WRAP73: variants seen among roughly 807,000 people sequenced by gnomAD.
WRAP73 encodes the protein WD repeat-containing protein WRAP73.
WRAP73 carries 55 observed loss-of-function variants against 59.6 expected under a neutral mutation model. That is an observed-to-expected ratio of 0.92 (90% CI 0.74 to 1.15). The LOEUF (loss-of-function observed/expected upper bound fraction) is 1.15, where lower values mean the gene tolerates loss of function less well. Ranked by LOEUF, WRAP73 falls within the 50% of genes most tolerant of loss-of-function variation. WRAP73 has a pLI of 0.00. For missense variants in WRAP73, 592 were observed against 608.1 expected (o/e 0.97, Z 0.28); for synonymous variants, 265 against 258.2 (o/e 1.03, Z -0.25).
In WRAP73 at chr1:3,649,363, G is replaced by GA. The variant is rs1279249750; in HGVS notation, c.69+567dup. 7.9e-5 allele frequency among the ~76,000 whole-genome samples: 12 copies of GA among 152,334 alleles called. No homozygotes were observed. The East Asian group carries it at 2.1e-3, about 27-fold the overall frequency. On this transcript the variant is annotated intron_variant, in intron 1 of 11. Coordinates refer to ENST00000270708, the MANE Select transcript of WRAP73 (RefSeq NM_017818.4). ...ATTCGGCATGTGGTAGAGGAGAAGA[G>GA]AATTAGAGGAGAAGTAGAGATGACA...
rs1557456260 is a variant in WRAP73, at chr1:3,635,256, C to A, written c.642G>T (p.Leu214Phe). Residue 214 changes from leucine to phenylalanine, a missense_variant, in exon 7 of 12, where the codon TTG (leucine) becomes TTT (phenylalanine). Physicochemically the swap from Leu to Phe is conservative, Grantham distance 22. Transcript: ENST00000270708. The part of the protein sequence containing the change: ...ILLYSLDGRL[L>F]STYSAYEWSL... ...ACCACTCGTAAGCGCTGTACGTGGA[C>A]AACAACCGGCCATCCAATGAGTACA... is the stretch of plus-strand genomic sequence containing the variant. 6.2e-7 allele frequency: 1 copy of A among 1,613,978 alleles called. No homozygotes were observed. The highest frequency in any genetic ancestry group is 8.5e-7 in the Non-Finnish European group (1 of 1,180,044).
intron 3 of WRAP73, among the ~76,000 whole-genome samples, chr1:3,640,125 C>T (rs1169700472): frequency 6.6e-6 from 1 of 152,230 alleles, no homozygotes; most frequent in African/African-American, 2.4e-5. Flanking sequence ...AGTGGATCAA[C>T]GAGCTCCAGG....
At position 3,630,868 on chromosome 1, in the gene WRAP73, C is replaced by T; in HGVS notation, c.*107G>A. 7.1e-7 allele frequency: 1 copy of T among 1,405,214 alleles called. No individual in the cohort carries two copies. The highest frequency in any genetic ancestry group is 9.6e-7 in the Non-Finnish European group (1 of 1,041,806). 87.0% of individuals were successfully genotyped at this position (1,405,214 alleles called of 1,614,324 possible). On this transcript the variant is annotated 3_prime_UTR_variant, in exon 12 of 12. Coordinates refer to ENST00000270708, the MANE Select transcript of WRAP73 (RefSeq NM_017818.4). ...TTTGCTATAGAAAAATAGAATCAAT[C>T]ACTGAATCCAGACCACCACAGTGGA...
Position 3,646,627 on chromosome 1 carries a change from A to T in WRAP73, c.339+39T>A. 1 of 1,544,758 alleles carries T rather than the reference A, an allele frequency of 6.5e-7. No homozygotes were observed. Among genetic ancestry groups the T allele is most frequent in the Non-Finnish European group, 8.9e-7 (1 of 1,128,096 alleles). On this transcript the variant is annotated intron_variant, in intron 3 of 11. Transcript: ENST00000270708. This position sits in a 1 kb window ranked among gnomAD's most constrained non-coding sequence, Gnocchi z 5.1. ...AGCTGTTTCGAGAGCAGAGGACAGG[A>T]TCACATGGCCAGTAAGGTGTCTTGG...
In WRAP73 at chr1:3,646,884, G is replaced by A. The variant is rs1318403895; in HGVS notation, c.223-102C>T. ...CGCAGCGGAGACCCGACCGCACAGG[G>A]TGTCTTCAAACTCATCAGCAGTCTA... On this transcript the variant is annotated intron_variant, in intron 2 of 11. Transcript: ENST00000270708. The surrounding 1 kb of genome is among the most constrained non-coding windows in gnomAD (Gnocchi z 5.1). 1 of 971,388 alleles carries A rather than the reference G, an allele frequency of 1.0e-6. No homozygotes were observed. Among genetic ancestry groups the A allele is most frequent in the East Asian group, 2.4e-5 (1 of 41,004 alleles). The allele number at this position is 971,388 out of a possible 1,614,324, so 60.2% of individuals were successfully genotyped here.
Position 3,647,450 on chromosome 1 carries a change from C to G in WRAP73, c.180G>C (p.Ser60=). The change falls in exon 2 of 12, where the codon TCG becomes TCC. Residue 60 remains serine (S), a synonymous_variant. Transcript: ENST00000270708. ...TGTACATGGCGCACAGGATGAAGAG[C>G]GAGTCTGCCGACCACTCGATGTGCT... ...QIQHIEWSAD[S]LFILCAMYKR... 1 of 1,613,852 alleles carries G rather than the reference C, an allele frequency of 6.2e-7. No homozygotes were observed. Among genetic ancestry groups the G allele is most frequent in the Non-Finnish European group, 8.5e-7 (1 of 1,179,890 alleles).
intron 3 of WRAP73, among the ~76,000 whole-genome samples, chr1:3,645,429 G>C (rs1238104953): frequency 9.5e-6 from 1 of 105,180 alleles, no homozygotes; most frequent in Admixed American, 9.8e-5. Context: ...CGGCGCAGCG[G>C]GACGGGCGGG....
At chr1:3,633,262 G>A (rs1393838642) in intron 9 of WRAP73, 136 bp downstream of exon 9, 2 of 808,812 alleles carry the variant, frequency 2.5e-6, no homozygotes, top group Non-Finnish European at 4.2e-6. Context: ...AACAGGCTGA[G>A]GGGCACACTG....
intron 1 of WRAP73, among the ~76,000 whole-genome samples, chr1:3,648,164 G>C (rs988040462): frequency 2.0e-5 from 3 of 152,220 alleles, no homozygotes; most frequent in Non-Finnish European, 4.4e-5. Flanking sequence ...AACGGGAAAT[G>C]TTTAAGTGTT....
Position 3,646,748 on chromosome 1 carries a change from T to C in WRAP73, c.257A>G (p.Lys86Arg). 1 of 1,612,436 alleles carries C rather than the reference T, an allele frequency of 6.2e-7. No individual in the cohort carries two copies. The highest frequency in any genetic ancestry group is 8.5e-7 in the Non-Finnish European group (1 of 1,179,040). The part of the protein sequence containing the change: ...WSLEQPEWHC[K>R]IDEGSAGLVA... ...CAGCCCGGCTGAGCCCTCGTCTATTTTGCAGTGCCATTCGGGCTGCTCTAA... is the reference window on the plus strand; with the variant it reads ...CAGCCCGGCTGAGCCCTCGTCTATTCTGCAGTGCCATTCGGGCTGCTCTAA... Residue 86 changes from lysine (K) to arginine (R), a missense_variant, in exon 3 of 12, where the codon AAA becomes AGA. Transcript: ENST00000270708. This position sits in a 1 kb window ranked among gnomAD's most constrained non-coding sequence, Gnocchi z 5.1.
rs1232275618 is a variant in WRAP73 at position 3,633,424 on chromosome 1, CCGGCCCCGGCCCGGGG to C, written c.880_895del (p.Pro294AlafsTer22). 2 of 1,612,270 alleles carry C rather than the reference CCGGCCCCGGCCCGGGG, an allele frequency of 1.2e-6. No individual in the cohort carries two copies. The highest frequency in any genetic ancestry group is 1.3e-5 in the African/African-American group (1 of 74,906). The stretch of plus-strand genomic sequence containing the variant: ...TTTACTCTCTGAGCTCGGGAGAGGG[CCGGCCCCGGCCCGGGG>C]CGGCGGGAAGGAGAGGCAGCCCAGT... On this transcript the variant is annotated frameshift_variant, in exon 9 of 12. Transcript: ENST00000270708. LOFTEE classifies it high-confidence loss of function.
rs1216163249 is a variant in WRAP73 at position 3,646,965 on chromosome 1, C to T, written c.223-183G>A. ...TAAAACCAGCAGAGACCCGATCACA[C>T]AGGGTGTCTTTTAGAACCTTTCATG... is the stretch of plus-strand genomic sequence containing the variant. On this transcript the variant is annotated intron_variant, in intron 2 of 11. Transcript: ENST00000270708. This position sits in a 1 kb window ranked among gnomAD's most constrained non-coding sequence, Gnocchi z 5.1. Among the ~76,000 whole-genome samples, 1 of 152,174 alleles carries T rather than the reference C, an allele frequency of 6.6e-6. No individual in the cohort carries two copies. Among genetic ancestry groups the T allele is most frequent in the Non-Finnish European group, 1.5e-5 (1 of 68,024 alleles).
intron 3 of WRAP73, among the ~76,000 whole-genome samples, chr1:3,643,575 G>T (rs909871327): frequency 8.6e-5 from 12 of 140,222 alleles, no homozygotes; most frequent in Admixed American, 1.4e-4. Flanking sequence ...ACTAACCCCC[G>T]AAATGGGGTC....
In WRAP73 at chr1:3,650,078, G is replaced by C; in HGVS notation, c.-79C>G. On this transcript the variant is annotated 5_prime_UTR_variant, in exon 1 of 12. Transcript: ENST00000270708. Reference sequence around the variant, plus strand: ...GGGCGCGCAGCAGGCTGCAACAGCCGACGCCGGCCTCCGAGGCCGGAAGTC... The same window carrying C: ...GGGCGCGCAGCAGGCTGCAACAGCCCACGCCGGCCTCCGAGGCCGGAAGTC... 2 of 1,412,868 alleles carry C rather than the reference G, an allele frequency of 1.4e-6. No individual in the cohort carries two copies. The highest frequency in any genetic ancestry group is 9.5e-7 in the Non-Finnish European group (1 of 1,057,994). 87.5% of individuals were successfully genotyped at this position (1,412,868 alleles called of 1,614,324 possible).
chr1:3,635,071 G>T lies in WRAP73; in HGVS notation c.742C>A (p.Arg248Ser), dbSNP rs774325847. 1 of 1,614,192 alleles carries T rather than the reference G, an allele frequency of 6.2e-7. No homozygotes were observed. Among genetic ancestry groups the T allele is most frequent in the African/African-American group, 1.3e-5 (1 of 75,042 alleles). ...LAVGSYDGKV[R>S]ILNHVTWKMI... is the part of the protein sequence containing the mutation. ...TTCCAAGTCACGTGATTAAGGATGC[G>T]CACCTGAGGAAGGAAACCATGCACA... Residue 248 changes from arginine to serine, a missense_variant, in exon 8 of 12, where the codon CGC (arginine) becomes AGC (serine). By Grantham distance (110) the Arg-to-Ser change is moderately radical. Coordinates refer to ENST00000270708, the MANE Select transcript of WRAP73 (RefSeq NM_017818.4).
rs771491281 is a variant in WRAP73 at position 3,647,514 on chromosome 1, A to C, written c.116T>G (p.Leu39Arg). The C allele has an allele frequency of 7.4e-6, 12 of 1,613,990 alleles. No individual in the cohort carries two copies. The highest frequency in any genetic ancestry group is 1.0e-5 in the Non-Finnish European group (12 of 1,179,934). Reference sequence around the variant, plus strand: ...GCACGTGTACAGCTGAAGGATCTGAAGGGTGTTCACATCCCGGACCACTAA... The same window carrying C: ...GCACGTGTACAGCTGAAGGATCTGACGGGTGTTCACATCCCGGACCACTAA... ...YRLVVRDVNT[L>R]QILQLYTCLD... Residue 39 changes from leucine (L) to arginine (R), a missense_variant, in exon 2 of 12, where the codon CTT becomes CGT. By Grantham distance (102) the Leu-to-Arg change is moderately radical. Transcript: ENST00000270708.
intron 3 of WRAP73, among the ~76,000 whole-genome samples, chr1:3,641,673 C>T (rs913900772): frequency 1.3e-5 from 2 of 152,182 alleles, no homozygotes; most frequent in African/African-American, 4.8e-5. Flanking sequence ...GCGGCAATGA[C>T]GTGCAAAGTG....
At position 3,630,840 on chromosome 1, in the gene WRAP73, T is replaced by A. The variant is rs935353698; in HGVS notation, c.*135A>T. On this transcript the variant is annotated 3_prime_UTR_variant, in exon 12 of 12. Coordinates refer to ENST00000270708, the MANE Select transcript of WRAP73 (RefSeq NM_017818.4). Reference sequence around the variant, plus strand: ...TTTATACCATACATATTTACAAAAATGCTTTGCTATAGAAAAATAGAATCA... The same window carrying A: ...TTTATACCATACATATTTACAAAAAAGCTTTGCTATAGAAAAATAGAATCA... 6.0e-6 allele frequency: 7 copies of A among 1,172,354 alleles called. No individual in the cohort carries two copies. In the African/African-American group the frequency reaches 1.1e-4, roughly 18 times the overall value. 72.6% of individuals were successfully genotyped at this position (1,172,354 alleles called of 1,614,324 possible). A position where few individuals can be genotyped will look rare whatever the true frequency, so the allele number is the denominator to read the frequency against.
intron 8 of WRAP73, 86 bp from the exon 9 acceptor site, chr1:3,633,589 T>C (rs1350453236): frequency 9.5e-7 from 1 of 1,056,838 alleles, no homozygotes; most frequent in African/African-American, 1.6e-5. Flanking sequence ...TGACAGCGCA[T>C]GGTCAACAGG....
Sources: allele counts gnomAD v4.1 joint callset (sites outside exome capture counted in the v4.1 genomes callset), GRCh38; gene constraint gnomAD v4.1.1; non-coding constraint Gnocchi (gnomAD v3.1); transcripts MANE v1.5; gene names NCBI Gene and HGNC (gene_info 2026-07-23, HGNC 2026-07-21).